CPNE4: variants seen among roughly 807,000 people sequenced by gnomAD.
The protein encoded by CPNE4 is copine-4.
A neutral mutation model predicts 67.9 loss-of-function variants in CPNE4; 25 were observed. The observed-to-expected ratio is 0.37, with a 90% CI of 0.27 to 0.51. The LOEUF (loss-of-function observed/expected upper bound fraction) is 0.51, where lower values mean the gene tolerates loss of function less well. CPNE4 is among the 20% of genes least tolerant of loss of function. The probability of loss-of-function intolerance (pLI) is 0.93; values close to 1 mark genes in which losing one functional copy is unlikely to be tolerated. For missense variants in CPNE4, 464 were observed against 690.8 expected (o/e 0.67, Z 3.68); for synonymous variants, 242 against 244.9 (o/e 0.99, Z 0.11).
intron 8 of CPNE4, among the ~76,000 whole-genome samples, chr3:131,586,524 C>T (rs1938189230): frequency 6.6e-6 from 1 of 152,134 alleles, no homozygotes; most frequent in African/African-American, 2.4e-5. Context: ...TCCCAACTTC[C>T]ATTAGTTATT....
At chr3:131,542,013 G>T (rs1211756384) in intron 15 of CPNE4, among the ~76,000 whole-genome samples, 2 of 152,116 alleles carry the variant, frequency 1.3e-5, no homozygotes, top group African/African-American at 4.8e-5. Context: ...TGTTTTGAAG[G>T]AGTTAAATAA....
intron 1 of CPNE4, among the ~76,000 whole-genome samples, chr3:131,908,773 G>C (rs1379392891): frequency 6.6e-6 from 1 of 152,156 alleles, no homozygotes; most frequent in Admixed American, 6.6e-5. Flanking sequence ...CTGTCAAGGA[G>C]ACACATAATT....
At chr3:131,671,458 C>T (rs941849038) in intron 6 of CPNE4, among the ~76,000 whole-genome samples, 5 of 125,624 alleles carry the variant, frequency 4.0e-5, no homozygotes, top group African/African-American at 1.3e-4. Context: ...TGAGTGTACA[C>T]ATGTGTGTGT....
chr3:131,635,419 G>T (rs2079352682), intron 7 of CPNE4, among the ~76,000 whole-genome samples: 1 of 152,162 alleles, frequency 6.6e-6, no homozygotes. Flanking sequence ...AATCAACATT[G>T]TGTAAGATAT....
At chr3:131,784,575 C>T (rs1400403573) in intron 2 of CPNE4, among the ~76,000 whole-genome samples, 2 of 152,096 alleles carry the variant, frequency 1.3e-5, no homozygotes, top group South Asian at 2.1e-4. Context: ...GAAGGGTTAA[C>T]GTCTGAGCAT....
At chr3:131,891,819 A>G (rs1289307928) in intron 2 of CPNE4, among the ~76,000 whole-genome samples, 1 of 152,138 alleles carries the variant, frequency 6.6e-6, no homozygotes, top group Non-Finnish European at 1.5e-5. Flanking sequence ...TATCCAGTCT[A>G]TCATCAATGG....
At chr3:131,864,058 G>T (rs1157231191) in intron 2 of CPNE4, among the ~76,000 whole-genome samples, 10 of 151,336 alleles carry the variant, frequency 6.6e-5, no homozygotes, top group Non-Finnish European at 1.2e-4. Flanking sequence ...CTGTTCCATT[G>T]GTCTATATCT....
intron 2 of CPNE4, among the ~76,000 whole-genome samples, chr3:131,741,860 C>G (rs1198529695): frequency 6.6e-6 from 1 of 152,196 alleles, no homozygotes; most frequent in Non-Finnish European, 1.5e-5. Flanking sequence ...CATTCCCATC[C>G]TGGCCAATGG....
chr3:131,929,436 C>T (rs6792058), intron 1 of CPNE4, among the ~76,000 whole-genome samples: 32,372 of 151,942 alleles, frequency 0.21, 3,791 homozygotes, highest in Admixed American at 0.32. Context: ...TTGGGGACCC[C>T]CTCCAGTTTG....
intron 5 of CPNE4, among the ~76,000 whole-genome samples, chr3:131,686,830 C>G (rs973893737): frequency 1.2e-4 from 18 of 152,208 alleles, no homozygotes; most frequent in Non-Finnish European, 2.1e-4. Flanking sequence ...ATAAGCCACT[C>G]ATACTGTTGG....
At chr3:131,647,005 G>A (rs1029142035) in intron 7 of CPNE4, among the ~76,000 whole-genome samples, 6 of 152,158 alleles carry the variant, frequency 3.9e-5, no homozygotes, top group Non-Finnish European at 8.8e-5. Flanking sequence ...GCAGAGATAG[G>A]GGAAGAGGGG....
chr3:131,555,657 C>T (rs937486000), intron 11 of CPNE4, 106 bp from the exon 12 acceptor site: 5 of 897,394 alleles, frequency 5.6e-6, no homozygotes, highest in Non-Finnish European at 9.0e-6. Context: ...GGCCATGTTG[C>T]TATGCCAGTG....
intron 2 of CPNE4, among the ~76,000 whole-genome samples, chr3:131,795,464 A>G (rs916998938): frequency 6.6e-6 from 1 of 152,152 alleles, no homozygotes; most frequent in African/African-American, 2.4e-5. Flanking sequence ...GATAATCACC[A>G]TTAAGCTTTC....
chr3:131,775,844 T>C (rs2083277100), intron 2 of CPNE4, among the ~76,000 whole-genome samples: 1 of 152,180 alleles, frequency 6.6e-6, no homozygotes, highest in African/African-American at 2.4e-5. Flanking sequence ...ATGGTTTCTC[T>C]GCATTTGGCA....
intron 7 of CPNE4, among the ~76,000 whole-genome samples, chr3:131,636,788 C>G (rs990765578): frequency 3.3e-5 from 5 of 152,214 alleles, no homozygotes. Flanking sequence ...GAGTCCACTT[C>G]TCTCCCCTGC....
intron 2 of CPNE4, among the ~76,000 whole-genome samples, chr3:131,739,525 T>C (rs2082312275): frequency 6.6e-6 from 1 of 152,216 alleles, no homozygotes; most frequent in Non-Finnish European, 1.5e-5. Context: ...TGTCTTACCA[T>C]ACCTGATTAA....
At chr3:131,740,483 A>T (rs1375600949) in intron 2 of CPNE4, among the ~76,000 whole-genome samples, 1 of 152,132 alleles carries the variant, frequency 6.6e-6, no homozygotes, top group Non-Finnish European at 1.5e-5. Context: ...TTAGGGTCAT[A>T]CCAAATGCAT....
At chr3:131,953,259 A>AAAAAAAT (rs2071834281) in intron 1 of CPNE4, among the ~76,000 whole-genome samples, 1 of 150,278 alleles carries the variant, frequency 6.7e-6, no homozygotes. Flanking sequence ...AAAAAAAAAA[A>AAAAAAAT]AAAAAAAGAA....
chr3:131,801,420 G>GTT (rs761078969), intron 2 of CPNE4, among the ~76,000 whole-genome samples: 1 of 75,642 alleles, frequency 1.3e-5, no homozygotes, highest in East Asian at 3.8e-4. Flanking sequence ...ATATACGTGT[G>GTT]TGTGTGTGTG....
Sources: gnomAD v4.1 joint callset for allele counts (sites outside exome capture counted in the v4.1 genomes callset) on GRCh38, gnomAD v4.1.1 for gene constraint, MANE v1.5 for transcripts, NCBI Gene and HGNC (gene_info 2026-07-23, HGNC 2026-07-21) for gene names.